The following ARMC2 variants were observed in gnomAD, a reference collection of about 807,000 sequenced individuals.
ARMC2 encodes armadillo repeat-containing protein 2.
In ARMC2, 67 loss-of-function variants were observed where a neutral mutation model predicts 90.3. That is an observed-to-expected ratio of 0.74 (90% CI 0.61 to 0.91). The LOEUF is 0.91. Ranked by LOEUF, ARMC2 falls within the 40% of genes least tolerant of loss-of-function variation. The pLI is 0.00. For missense variants in ARMC2, 920 were observed against 1,030.9 expected (o/e 0.89, Z 1.47); for synonymous variants, 393 against 393.0 (o/e 1.00, Z 0.00).
the ARMC2 span, among the ~76,000 whole-genome samples, chr6:109,009,156 C>T: frequency 2.6e-5 from 4 of 152,216 alleles, no homozygotes; most frequent in African/African-American, 4.8e-5. Flanking sequence ...TCCCACCCAC[C>T]GCAGGCAACC....
chr6:108,928,187 T>C lies in ARMC2; in HGVS notation c.1450T>C (p.Tyr484His). The C allele has an allele frequency of 6.3e-7, 1 of 1,598,652 alleles. No individual in the cohort carries two copies. Among genetic ancestry groups the C allele is most frequent in the Non-Finnish European group, 8.5e-7 (1 of 1,172,788 alleles). ...LPQLCTAMEQ[Y>H]KGDKDVCTNI... is the part of the protein sequence containing the mutation. ...CCAGCTCTGCACGGCAATGGAACAG[T>C]ACAAGGGTGACAAGGACGTCTGTAC... The change falls in exon 11 of 18, where the codon TAC becomes CAC. Residue 484 changes from tyrosine (Y) to histidine (H), a missense_variant. Physicochemically the swap from Tyr to His is moderately conservative, Grantham distance 83. Transcript: ENST00000392644.
chr6:108,890,490 C>T (rs1166523430), intron 5 of ARMC2, among the ~76,000 whole-genome samples: 2 of 151,992 alleles, frequency 1.3e-5, no homozygotes, highest in Admixed American at 6.6e-5. Context: ...TTTGGGAGGC[C>T]GAGATGGGAG....
intron 1 of ARMC2, among the ~76,000 whole-genome samples, chr6:108,853,894 A>T (rs1774257760): frequency 6.6e-6 from 1 of 152,178 alleles, no homozygotes; most frequent in Non-Finnish European, 1.5e-5. Flanking sequence ...AAACATTTTA[A>T]CAGAACCCTC....
chr6:108,899,627 T>G, intron 6 of ARMC2, 67 bp from the exon 7 acceptor site: 1 of 1,202,250 alleles, frequency 8.3e-7, no homozygotes, highest in Non-Finnish European at 1.2e-6. Context: ...TAGTAAAGGC[T>G]TTTGACCATG....
chr6:108,941,840 A>G (rs1776466006), intron 12 of ARMC2, among the ~76,000 whole-genome samples: 2 of 152,150 alleles, frequency 1.3e-5, no homozygotes, highest in Non-Finnish European at 2.9e-5. Context: ...TTATACTTTG[A>G]CTCAATACTT....
At chr6:108,970,105 A>G (rs772255543) in intron 17 of ARMC2, among the ~76,000 whole-genome samples, 12 of 152,198 alleles carry the variant, frequency 7.9e-5, no homozygotes, top group Non-Finnish European at 1.8e-4. Flanking sequence ...TTGCAGTACA[A>G]GTTCCAAAAT....
At chr6:108,969,767 T>C (rs1178651553) in intron 17 of ARMC2, among the ~76,000 whole-genome samples, 2 of 152,168 alleles carry the variant, frequency 1.3e-5, no homozygotes, top group African/African-American at 4.8e-5. Flanking sequence ...AAAGGCTGAG[T>C]GCAATGGCTC....
chr6:108,907,931 G>T, intron 8 of ARMC2: 1 of 1,457,444 alleles, frequency 6.9e-7, no homozygotes, highest in Admixed American at 1.9e-5. Context: ...TATTTTCTGG[G>T]GGTTTTAAAC....
chr6:108,857,178 T>C (rs2128417552), intron 2 of ARMC2, among the ~76,000 whole-genome samples: 1 of 152,348 alleles, frequency 6.6e-6, no homozygotes, highest in African/African-American at 2.4e-5. Flanking sequence ...ATATTGACAA[T>C]ATTGAGTCTT....
At chr6:108,888,429 G>T (rs1184597074) in intron 5 of ARMC2, among the ~76,000 whole-genome samples, 1 of 152,132 alleles carries the variant, frequency 6.6e-6, no homozygotes, top group Non-Finnish European at 1.5e-5. Flanking sequence ...CGGACCATGG[G>T]ATTTAAACCA....
chr6:109,007,185 A>C, the ARMC2 span, among the ~76,000 whole-genome samples: 1 of 152,222 alleles, frequency 6.6e-6, no homozygotes, highest in East Asian at 1.9e-4. Context: ...TTTCAGAGTG[A>C]AAATTCGTAG....
the ARMC2 span, among the ~76,000 whole-genome samples, chr6:109,021,359 T>C: frequency 6.6e-6 from 1 of 152,194 alleles, no homozygotes; most frequent in East Asian, 1.9e-4. Context: ...AGATGTGTAT[T>C]TCCCCCAATA....
chr6:108,953,102 T>C lies in ARMC2; in HGVS notation c.1666T>C (p.Phe556Leu). Residue 556 changes from phenylalanine to leucine, a missense_variant, in exon 13 of 18, where the codon TTT becomes CTT. Phe to Leu is a conservative substitution (Grantham distance 22). Transcript: ENST00000392644. ...AAAAAATAACCAGGCTCGTGAACAA[T>C]TTTCCAAAGAGAAAGGGAGCATCCA... The part of the protein sequence containing the change: ...TAKNNQAREQ[F>L]SKEKGSIQTL... 6.2e-7 allele frequency: 1 copy of C among 1,613,912 alleles called. No individual in the cohort carries two copies. The highest frequency in any genetic ancestry group is 8.5e-7 in the Non-Finnish European group (1 of 1,179,844).
chr6:108,876,403 A>G, intron 5 of ARMC2, 53 bp downstream of exon 5: 1 of 1,522,920 alleles, frequency 6.6e-7, no homozygotes, highest in South Asian at 1.2e-5. Flanking sequence ...ATCATTTACC[A>G]GTTTCTTCTC....
chr6:109,048,292 AAT>A, the ARMC2 span, among the ~76,000 whole-genome samples: 2 of 152,152 alleles, frequency 1.3e-5, no homozygotes, highest in African/African-American at 2.4e-5. Flanking sequence ...ACCACAGGTG[AAT>A]AGTTTGAGGA....
chr6:109,021,201 C>T, the ARMC2 span, among the ~76,000 whole-genome samples: 1 of 151,896 alleles, frequency 6.6e-6, no homozygotes, highest in Non-Finnish European at 1.5e-5. Flanking sequence ...GTTATGTTGC[C>T]CAGGCTACAT....
chr6:108,876,145 A>C lies in ARMC2; in HGVS notation c.466A>C (p.Lys156Gln), dbSNP rs1275634068. 2.5e-6 allele frequency: 4 copies of C among 1,605,604 alleles called. No individual in the cohort carries two copies. Among genetic ancestry groups the C allele is most frequent in the Non-Finnish European group, 3.4e-6 (4 of 1,176,918 alleles). ...ATATTTTCTTGGTTATATTGCAGCA[A>C]AGAAGACAGTGGAATCCAAAGAAAC... ...PDRSLPPSDS[K>Q]KTVESKETVM... The change falls in exon 5 of 18, where the codon AAG (lysine) becomes CAG (glutamine). Residue 156 changes from lysine (K) to glutamine (Q), a missense_variant and splice_region_variant. By Grantham distance (53) the Lys-to-Gln change is moderately conservative. Transcript: ENST00000392644.
chr6:108,946,747 G>A lies in ARMC2; in HGVS notation c.1597-6286G>A, dbSNP rs78038659. The stretch of plus-strand genomic sequence containing the variant: ...CCATTCTTACAAATTTTTCTAAAAT[G>A]TGTTCCTTTACTTAGTGGAAGCAGT... On this transcript the variant is annotated intron_variant, in intron 12 of 17. Coordinates refer to ENST00000392644, the MANE Select transcript of ARMC2 (RefSeq NM_032131.6). Among the ~76,000 whole-genome samples the A allele has an allele frequency of 9.1e-3, 1,386 of 152,302 alleles. 17 individuals are homozygous for A. The highest frequency in any genetic ancestry group is 0.029 in the African/African-American group (1,217 of 41,548).
At chr6:108,948,226 C>A (rs903112811) in intron 12 of ARMC2, among the ~76,000 whole-genome samples, 2 of 152,082 alleles carry the variant, frequency 1.3e-5, no homozygotes, top group African/African-American at 4.8e-5. Context: ...TTGGAGTGCA[C>A]GGTTTGGGAG....
Sources: allele counts gnomAD v4.1 joint callset (sites outside exome capture counted in the v4.1 genomes callset), GRCh38; gene constraint gnomAD v4.1.1; transcripts MANE v1.5; gene names NCBI Gene and HGNC (gene_info 2026-07-23, HGNC 2026-07-21).